ARHGAP6: variants seen among roughly 807,000 people sequenced by gnomAD.
The protein encoded by ARHGAP6 is rho GTPase-activating protein 6.
A neutral mutation model predicts 55.7 loss-of-function variants in ARHGAP6; 16 were observed. That is an observed-to-expected ratio of 0.29 (90% confidence interval 0.19 to 0.44). ARHGAP6 has a LOEUF of 0.44. Among genes scored for constraint, ARHGAP6 ranks in the 20% least tolerant of loss-of-function variants. The pLI is 1.00. For missense variants in ARHGAP6, 698 were observed against 808.9 expected, an observed-to-expected ratio of 0.86 and a Z score of 1.66; for synonymous variants, 382 against 360.9, an observed-to-expected ratio of 1.06 and a Z score of -0.66.
chrX:11,635,982 G>C (rs2052414183), intron 1 of ARHGAP6, among the ~76,000 whole-genome samples: 1 of 111,352 alleles, frequency 9.0e-6, no homozygotes, highest in South Asian at 3.7e-4. Context: ...TGACATGCTG[G>C]CACCTCAATG....
intron 1 of ARHGAP6, among the ~76,000 whole-genome samples, chrX:11,388,681 G>A (rs186163867): frequency 0.027 from 2,981 of 111,283 alleles, 75 homozygotes; most frequent in African/African-American, 0.08. Context: ...GGTTTTTATG[G>A]TTTTAGGTCT....
intron 1 of ARHGAP6, among the ~76,000 whole-genome samples, chrX:11,311,727 G>A (rs917731948): frequency 6.3e-5 from 7 of 111,722 alleles, no homozygotes; most frequent in South Asian, 7.5e-4. Flanking sequence ...CCAAAGCGCC[G>A]GCTGTGTTCA....
intron 1 of ARHGAP6, among the ~76,000 whole-genome samples, chrX:11,438,996 G>A (rs977481219): frequency 1.8e-5 from 2 of 112,098 alleles, no homozygotes; most frequent in Non-Finnish European, 1.9e-5. Context: ...TTCCTCTGAC[G>A]TCTGTCCTCA....
At position 11,178,169 on chromosome X, in the gene ARHGAP6, G is replaced by T. The variant is rs2046259828; in HGVS notation, c.1560C>A (p.His520Gln). ...CGATGGAGAGGAACTGTAGCAGGCG[G>T]TGGAGGGTGTCGCAGTTGCAGGGAG... ...LLPPCNCDTL[H>Q]RLLQFLSIVA... Residue 520 changes from histidine (H) to glutamine (Q), a missense_variant, in exon 8 of 13, where the codon CAC becomes CAA. By Grantham distance (24) the His-to-Gln change is conservative (BLOSUM62 0). Transcript: ENST00000337414. 2 of 1,209,522 alleles carry T rather than the reference G, an allele frequency of 1.7e-6. No individual in the cohort carries two copies. The highest frequency in any genetic ancestry group is 2.2e-6 in the Non-Finnish European group (2 of 895,095).
chrX:11,438,414 A>G (rs1042425055), intron 1 of ARHGAP6, among the ~76,000 whole-genome samples: 3 of 112,671 alleles, frequency 2.7e-5, no homozygotes, highest in African/African-American at 9.7e-5. Context: ...TGAGCTCATT[A>G]GTTGATTAAC....
intron 1 of ARHGAP6, among the ~76,000 whole-genome samples, chrX:11,302,932 C>T (rs1398236493): frequency 2.7e-5 from 3 of 112,027 alleles, no homozygotes; most frequent in African/African-American, 6.5e-5. Context: ...TCTCTAAATC[C>T]GAAGTTTTTC....
At chrX:11,286,713 T>C (rs5979393) in intron 1 of ARHGAP6, among the ~76,000 whole-genome samples, 28,287 of 111,337 alleles carry the variant, frequency 0.25, 2,909 homozygotes, top group African/African-American at 0.36. Flanking sequence ...AGGCCAGGGA[T>C]GCTGCTAAAC....
At position 11,137,806 on chromosome X, in the gene ARHGAP6, A is replaced by C. The variant is rs2147260324; in HGVS notation, c.*1057T>G. 1 of 112,585 alleles carries C rather than the reference A, an allele frequency of 8.9e-6. No individual in the cohort carries two copies. Among genetic ancestry groups the C allele is most frequent in the East Asian group, 2.8e-4 (1 of 3,618 alleles). The allele number at this position is 112,585 out of a possible 1,213,427, so 9.3% of individuals were successfully genotyped here. ...GGTAGAACATTTTACAATACACATA[A>C]AATTACGAAAGAAAACATTTCCTCA... On this transcript the variant is annotated 3_prime_UTR_variant, in exon 13 of 13. Coordinates refer to ENST00000337414, the MANE Select transcript of ARHGAP6 (RefSeq NM_013427.3).
chrX:11,466,433 A>T (rs953880297), intron 1 of ARHGAP6, among the ~76,000 whole-genome samples: 7 of 111,263 alleles, frequency 6.3e-5, no homozygotes, highest in African/African-American at 2.3e-4. Flanking sequence ...ATGAAAAAAA[A>T]AAAAACTATT....
chrX:11,144,479 A>G (rs1434407994), intron 10 of ARHGAP6, among the ~76,000 whole-genome samples: 1 of 112,399 alleles, frequency 8.9e-6, no homozygotes, highest in Non-Finnish European at 1.9e-5. Flanking sequence ...GGAAAAGGCA[A>G]TGATGGAGAA....
intron 1 of ARHGAP6, among the ~76,000 whole-genome samples, chrX:11,510,519 G>GA (rs2050775562): frequency 9.0e-6 from 1 of 111,315 alleles, no homozygotes; most frequent in Admixed American, 9.6e-5. Context: ...TCACAGCTAT[G>GA]AAAAAAGCTG....
chrX:11,155,307 T>C (rs1172752695), intron 10 of ARHGAP6, among the ~76,000 whole-genome samples: 1 of 111,670 alleles, frequency 9.0e-6, no homozygotes, highest in African/African-American at 3.3e-5. Context: ...TGTTTATTTA[T>C]TTATTATTAT....
chrX:11,519,726 A>G (rs1468901887), intron 1 of ARHGAP6, among the ~76,000 whole-genome samples: 1 of 108,633 alleles, frequency 9.2e-6, no homozygotes, highest in African/African-American at 3.4e-5. Flanking sequence ...GAGAAAAACA[A>G]GCAATGGGGA....
At chrX:11,582,598 T>G (rs972287684) in intron 1 of ARHGAP6, among the ~76,000 whole-genome samples, 15 of 111,480 alleles carry the variant, frequency 1.3e-4, no homozygotes, top group Admixed American at 1.1e-3. Context: ...ATGGGTCACA[T>G]ATAAGGAAAA....
At chrX:11,176,952 T>C (rs933696085) in intron 8 of ARHGAP6, among the ~76,000 whole-genome samples, 1 of 112,257 alleles carries the variant, frequency 8.9e-6, no homozygotes, top group Non-Finnish European at 1.9e-5. Context: ...CTTTCTGGAT[T>C]AGAGTGAAAA....
intron 3 of ARHGAP6, among the ~76,000 whole-genome samples, chrX:11,196,214 T>G (rs2046539559): frequency 9.0e-6 from 1 of 111,095 alleles, no homozygotes; most frequent in African/African-American, 3.3e-5. Context: ...CTAAAGTTCC[T>G]GGATCTTTAA....
chrX:11,392,922 G>C (rs917547588), intron 1 of ARHGAP6, among the ~76,000 whole-genome samples: 11 of 111,631 alleles, frequency 9.9e-5, no homozygotes, highest in African/African-American at 3.6e-4. Context: ...AGTCACGTTG[G>C]TGTGTTTGTC....
chrX:11,318,717 A>G, intron 1 of ARHGAP6: 1 of 113,873 alleles, frequency 8.8e-6, no homozygotes, highest in Middle Eastern at 7.1e-4. Flanking sequence ...AGAAAGAAAA[A>G]TGGAAGGATA....
intron 1 of ARHGAP6, among the ~76,000 whole-genome samples, chrX:11,312,304 T>C (rs2048310576): frequency 1.8e-5 from 2 of 111,787 alleles, no homozygotes; most frequent in African/African-American, 6.5e-5. Context: ...AAAATTTGAT[T>C]GACACTAAGG....
Sources: gnomAD v4.1 joint callset for allele counts (sites outside exome capture counted in the v4.1 genomes callset) on GRCh38, gnomAD v4.1.1 for gene constraint, MANE v1.5 for transcripts, NCBI Gene and HGNC (gene_info 2026-07-23, HGNC 2026-07-21) for gene names.